Variants in ELF1 observed in about 807,000 individuals in gnomAD.
The protein encoded by ELF1 is E74 like ETS transcription factor 1.
Under a neutral mutation model 59.9 loss-of-function variants are expected in ELF1, and 24 were observed. That is an observed-to-expected ratio of 0.40 (90% CI 0.29 to 0.56). The LOEUF (loss-of-function observed/expected upper bound fraction) is 0.56. ELF1 is among the 20% of genes least tolerant of loss of function. The probability of loss-of-function intolerance (pLI) is 0.44; values close to 1 mark genes in which losing one functional copy is unlikely to be tolerated. For synonymous variants in ELF1, 248 were observed against 266.2 expected, an observed-to-expected ratio of 0.93 and a Z score of 0.67; for missense variants, 627 against 742.2, an observed-to-expected ratio of 0.84 and a Z score of 1.80.
At chr13:41,056,024 A>G (rs1359347041) in intron 1 of ELF1, among the ~76,000 whole-genome samples, 1 of 152,210 alleles carries the variant, frequency 6.6e-6, no homozygotes, top group Non-Finnish European at 1.5e-5. Context: ...TAAAACTTAC[A>G]TATCATGAAG....
At chr13:40,963,437 A>G (rs1232785073) in intron 2 of ELF1, among the ~76,000 whole-genome samples, 1 of 152,198 alleles carries the variant, frequency 6.6e-6, no homozygotes, top group Non-Finnish European at 1.5e-5. Context: ...ATCACTCCTA[A>G]TTTAGTCCTA....
At chr13:40,962,612 G>T (rs545104679) in intron 2 of ELF1, among the ~76,000 whole-genome samples, 1 of 151,894 alleles carries the variant, frequency 6.6e-6, no homozygotes, top group African/African-American at 2.4e-5. Context: ...CTTGAACCTG[G>T]GAGGCGGAGG....
intron 1 of ELF1, among the ~76,000 whole-genome samples, chr13:41,010,481 G>T (rs1009130736): frequency 5.7e-5 from 6 of 105,594 alleles, no homozygotes; most frequent in Non-Finnish European, 8.5e-5. Context: ...AATACATATA[G>T]GTATGAGGTG....
At chr13:40,979,504 A>G (rs936437622) in intron 2 of ELF1, among the ~76,000 whole-genome samples, 2 of 152,240 alleles carry the variant, frequency 1.3e-5, no homozygotes, top group African/African-American at 2.4e-5. Flanking sequence ...ACTACTAGGT[A>G]GATCTACTGC....
intron 1 of ELF1, among the ~76,000 whole-genome samples, chr13:41,015,041 T>C (rs1474245605): frequency 6.6e-6 from 1 of 151,838 alleles, no homozygotes; most frequent in Admixed American, 6.6e-5. Context: ...CAAATAATAA[T>C]AGTGTATTTC....
At chr13:41,020,478 C>T (rs979946062), upstream of ELF1, among the ~76,000 whole-genome samples, 1 of 152,176 alleles carries the variant, frequency 6.6e-6, no homozygotes, top group Non-Finnish European at 1.5e-5. Context: ...GTTGAGAGCA[C>T]AAGCTGTCAC....
chr13:41,000,514 C>A (rs1593388112), intron 1 of ELF1, among the ~76,000 whole-genome samples: 3 of 152,150 alleles, frequency 2.0e-5, no homozygotes, highest in East Asian at 3.9e-4. Flanking sequence ...AGCCACCACA[C>A]TGGGCCGAAC....
Position 40,944,116 on chromosome 13 carries a change from G to T in ELF1, c.530-191C>A, listed in dbSNP as rs572232570. On this transcript the variant is annotated intron_variant, in intron 5 of 8. Transcript: ENST00000239882. The stretch of plus-strand genomic sequence containing the variant: ...TTAATAAAACTTGGACATTAATGCA[G>T]GTTAAACCATAAACACACTTATGTA... 3.9e-5 allele frequency among the ~76,000 whole-genome samples: 6 copies of T among 152,250 alleles called. No individual in the cohort carries two copies. In the South Asian group the frequency reaches 1.0e-3, roughly 26 times the overall value.
At chr13:40,955,680 A>G (rs1317953395) in intron 3 of ELF1, among the ~76,000 whole-genome samples, 62 of 62,918 alleles carry the variant, frequency 9.9e-4, no homozygotes, top group African/African-American at 1.9e-3. Flanking sequence ...GAGGTGGGGG[A>G]GTCAGCCCCC....
rs545476804 is a variant in ELF1, at chr13:40,978,137, T to C, written c.72+3846A>G. Among the ~76,000 whole-genome samples the C allele has an allele frequency of 2.0e-5, 3 of 152,218 alleles. No individual in the cohort carries two copies. In the South Asian group the frequency reaches 6.2e-4, roughly 32 times the overall value. On this transcript the variant is annotated intron_variant, in intron 2 of 8. Coordinates refer to ENST00000239882, the MANE Select transcript of ELF1 (RefSeq NM_172373.4). The stretch of plus-strand genomic sequence containing the variant: ...GCTCATGCCTGAAATCCCAGCACTT[T>C]GGGAGGCCGAGGCAGGCAGATCCCG...
rs141554553 is a variant in ELF1 at position 40,989,151 on chromosome 13, G to A, written c.-228-6869C>T. Among the ~76,000 whole-genome samples the A allele has an allele frequency of 1.9e-3, 293 of 152,158 alleles. 1 individual carries two copies. The highest frequency in any genetic ancestry group is 6.6e-3 in the African/African-American group (276 of 41,506). ...TGCTAGAATTTACATTAAAATATGC[G>A]AATATGGAAAAAACAATAAAGAAAC... On this transcript the variant is annotated intron_variant, in intron 1 of 8. Transcript: ENST00000239882.
intron 1 of ELF1, among the ~76,000 whole-genome samples, chr13:41,037,395 A>C (rs1207230676): frequency 6.6e-6 from 1 of 152,196 alleles, no homozygotes. Context: ...CTGTGGCCAC[A>C]TGGTTAGTAA....
chr13:40,943,985 T>C (rs972689950), intron 5 of ELF1, 60 bp from the exon 6 acceptor site: 43 of 1,519,102 alleles, frequency 2.8e-5, no homozygotes, highest in African/African-American at 5.5e-5. Context: ...AAATGGACAA[T>C]TCAGCTATTT....
chr13:40,983,649 T>C (rs2138277598), intron 1 of ELF1, among the ~76,000 whole-genome samples: 1 of 152,196 alleles, frequency 6.6e-6, no homozygotes, highest in Middle Eastern at 3.4e-3. Flanking sequence ...TTTTAGCACA[T>C]TCAGGTGGTT....
chr13:40,938,866 CAAAT>C (rs979009314), intron 8 of ELF1, among the ~76,000 whole-genome samples: 22 of 151,836 alleles, frequency 1.4e-4, no homozygotes, highest in Non-Finnish European at 3.2e-4. Flanking sequence ...ATAGAGAAAA[CAAAT>C]AATGCAAAAT....
intron 2 of ELF1, among the ~76,000 whole-genome samples, chr13:40,979,815 A>G (rs1323932612): frequency 6.6e-6 from 1 of 152,240 alleles, no homozygotes; most frequent in Non-Finnish European, 1.5e-5. Context: ...ACTTAATACT[A>G]GTTTCTTCTG....
intron 1 of ELF1, among the ~76,000 whole-genome samples, chr13:41,007,851 C>T (rs564238212): frequency 2.0e-5 from 3 of 152,194 alleles, no homozygotes; most frequent in Non-Finnish European, 2.9e-5. Flanking sequence ...TTTCAGGGGG[C>T]TCCTGAGATC....
At chr13:40,938,003 G>T (rs1349074228) in intron 8 of ELF1, among the ~76,000 whole-genome samples, 1 of 151,738 alleles carries the variant, frequency 6.6e-6, no homozygotes, top group African/African-American at 2.4e-5. Context: ...TTTTAGTAGA[G>T]ACGGGGTTTT....
At chr13:41,028,339 T>C (rs1428652833) in intron 1 of ELF1, among the ~76,000 whole-genome samples, 4 of 152,200 alleles carry the variant, frequency 2.6e-5, no homozygotes. Flanking sequence ...GGGCATCTCT[T>C]TGTATTATCA....
Sources: allele counts gnomAD v4.1 joint callset (sites outside exome capture counted in the v4.1 genomes callset), GRCh38; gene constraint gnomAD v4.1.1; transcripts MANE v1.5; gene names NCBI Gene and HGNC (gene_info 2026-07-23, HGNC 2026-07-21).